The following LOXHD1 variants were observed in gnomAD, a reference collection of about 807,000 sequenced individuals.
LOXHD1 encodes lipoxygenase homology PLAT domains 1.
LOXHD1 carries 205 observed loss-of-function variants against 248.2 expected under a neutral mutation model. That is an observed-to-expected ratio of 0.83 (90% CI 0.74 to 0.93). LOXHD1 has a LOEUF of 0.93. Among genes scored for constraint, LOXHD1 ranks in the 40% least tolerant of loss-of-function variants. The pLI is 0.00. For synonymous variants in LOXHD1, 1,113 were observed against 1,162.8 expected (o/e 0.96, Z 0.87); for missense variants, 2,930 against 2,971.6 (o/e 0.99, Z 0.33).
chr18:46,577,221 G>A (rs1045123572), intron 14 of LOXHD1, among the ~76,000 whole-genome samples: 2 of 152,074 alleles, frequency 1.3e-5, no homozygotes, highest in Non-Finnish European at 2.9e-5. Context: ...GAGCCCAAAT[G>A]CTTAAGCAAA....
In LOXHD1 at chr18:46,506,003, C is replaced by A. The variant is rs1406257799; in HGVS notation, c.5713G>T (p.Val1905Leu). 2 of 1,552,118 alleles carry A rather than the reference C, an allele frequency of 1.3e-6. No individual in the cohort carries two copies. Among genetic ancestry groups the A allele is most frequent in the Admixed American group, 2.0e-5 (1 of 50,992 alleles). Residue 1905 changes from valine to leucine, a missense_variant, in exon 37 of 41, where the codon GTG (valine) becomes TTG (leucine). Val to Leu is a conservative substitution (Grantham distance 32, BLOSUM62 1). Transcript: ENST00000642948. ...TTCTCCCCGAAGATGATGATGAACA[C>A]GTTGGCATCAGTGCCTGCTCCTGGG... ...DILGAGTDAN[V>L]FIIIFGENGD...
chr18:46,583,174 C>T (rs1267431600), intron 12 of LOXHD1, among the ~76,000 whole-genome samples: 1 of 152,038 alleles, frequency 6.6e-6, no homozygotes, highest in Non-Finnish European at 1.5e-5. Flanking sequence ...AAAAAATAGA[C>T]AATCTAAATA....
chr18:46,497,400 C>A (rs974542879), intron 37 of LOXHD1, among the ~76,000 whole-genome samples: 3 of 152,106 alleles, frequency 2.0e-5, no homozygotes, highest in Non-Finnish European at 4.4e-5. Flanking sequence ...ATTGGAGTCA[C>A]GTTTTTGCAT....
chr18:46,574,886 C>T (rs2037825618), intron 14 of LOXHD1, among the ~76,000 whole-genome samples: 3 of 152,210 alleles, frequency 2.0e-5, no homozygotes, highest in Admixed American at 2.0e-4. Context: ...CCCCCAGCAC[C>T]ATGCATGTGA....
At chr18:46,642,095 G>C in intron 2 of LOXHD1, 59 bp from the exon 3 acceptor site, 1 of 1,465,306 alleles carries the variant, frequency 6.8e-7, no homozygotes, top group Non-Finnish European at 9.4e-7. Context: ...CCTGGGAGGA[G>C]AGCCAAGGGC....
At chr18:46,580,757 AG>A (rs1360892956) in intron 12 of LOXHD1, among the ~76,000 whole-genome samples, 1 of 152,206 alleles carries the variant, frequency 6.6e-6, no homozygotes, top group Non-Finnish European at 1.5e-5. Context: ...GAGTGGAGTG[AG>A]GGAATATAAA....
At position 46,560,157 on chromosome 18, in the gene LOXHD1, C is replaced by T. The variant is rs370708358; in HGVS notation, c.2987G>A (p.Arg996His). Residue 996 changes from arginine (R) to histidine (H), a missense_variant, in exon 19 of 41, where the codon CGC becomes CAC. Arg to His is a conservative substitution (Grantham distance 29). Coordinates refer to ENST00000642948, the MANE Select transcript of LOXHD1 (RefSeq NM_001384474.1). ...GTCCTCCTTGCCCCGGGCCAGCCAG[C>T]GGTGGGCTTCGAACTTGTGCTGCTC... Reference protein sequence around the residue: ...VIEQHKFEAHRWLARGKEDNE... With the variant: ...VIEQHKFEAHHWLARGKEDNE... The T allele has an allele frequency of 3.5e-5, 54 of 1,551,384 alleles. No individual in the cohort carries two copies. In the African/African-American group the frequency reaches 5.1e-4, roughly 15 times the overall value.
At position 46,568,742 on chromosome 18, in the gene LOXHD1, C is replaced by T. The variant is rs188786414; in HGVS notation, c.2244+700G>A. Among the ~76,000 whole-genome samples the T allele has an allele frequency of 3.8e-4, 58 of 152,332 alleles. 1 individual carries two copies. The highest frequency in any genetic ancestry group is 2.3e-3 in the East Asian group (12 of 5,180). On this transcript the variant is annotated intron_variant, in intron 16 of 40. Coordinates refer to ENST00000642948, the MANE Select transcript of LOXHD1 (RefSeq NM_001384474.1). ...ATTACCCTCCCCTTATTCCCTCATC[C>T]TCCCTTTAAAGAGGTTTGCAAACCT... is the stretch of plus-strand genomic sequence containing the variant.
chr18:46,579,367 A>G (rs1422837473), intron 13 of LOXHD1, among the ~76,000 whole-genome samples: 2 of 152,190 alleles, frequency 1.3e-5, no homozygotes, highest in African/African-American at 2.4e-5. Flanking sequence ...GTACAGTCCC[A>G]GGAGTCCAAC....
chr18:46,487,774 T>A (rs2033166805), intron 38 of LOXHD1, among the ~76,000 whole-genome samples: 1 of 151,496 alleles, frequency 6.6e-6, no homozygotes, highest in Admixed American at 6.6e-5. Context: ...GGAAACAGAG[T>A]TGAGAGGAGA....
At chr18:46,498,382 G>A (rs1417769444) in intron 37 of LOXHD1, among the ~76,000 whole-genome samples, 2 of 152,198 alleles carry the variant, frequency 1.3e-5, no homozygotes, top group Non-Finnish European at 2.9e-5. Flanking sequence ...CTGTTCCCCA[G>A]AAGGTTCTTC....
At position 46,559,436 on chromosome 18, in the gene LOXHD1, C is replaced by T. The variant is rs1330934648; in HGVS notation, c.3216+12G>A. The stretch of plus-strand genomic sequence containing the variant: ...ACAGCCCCCACCCAGGGGCCAGAGA[C>T]CCTCACCCTACCTGCCCCTGCTCAA... On this transcript the variant is annotated intron_variant, in intron 20 of 40. Coordinates refer to ENST00000642948, the MANE Select transcript of LOXHD1 (RefSeq NM_001384474.1). 1 of 1,551,964 alleles carries T rather than the reference C, an allele frequency of 6.4e-7. No individual in the cohort carries two copies. Among genetic ancestry groups the T allele is most frequent in the Non-Finnish European group, 8.7e-7 (1 of 1,147,084 alleles).
intron 6 of LOXHD1, among the ~76,000 whole-genome samples, chr18:46,607,318 C>T (rs1020075852): frequency 1.3e-5 from 2 of 149,612 alleles, no homozygotes; most frequent in African/African-American, 2.4e-5. Context: ...TATATATATA[C>T]ACATATATGT....
chr18:46,589,215 C>T (rs2038119148), intron 12 of LOXHD1, among the ~76,000 whole-genome samples: 1 of 152,186 alleles, frequency 6.6e-6, no homozygotes, highest in Admixed American at 6.5e-5. Flanking sequence ...GCCCCAGGAG[C>T]AGTGTTTCTT....
intron 4 of LOXHD1, 29 bp from the exon 5 acceptor site, chr18:46,618,319 G>A (rs1466799335): frequency 4.8e-6 from 7 of 1,472,174 alleles, no homozygotes; most frequent in East Asian, 2.5e-5. Flanking sequence ...AAAAACCTTA[G>A]CTCATCAGGA....
intron 28 of LOXHD1, among the ~76,000 whole-genome samples, chr18:46,531,030 A>G (rs1160874921): frequency 6.6e-6 from 1 of 151,920 alleles, no homozygotes; most frequent in Non-Finnish European, 1.5e-5. Flanking sequence ...GCAAACTCAC[A>G]TGTTCAAACC....
At position 46,477,914 on chromosome 18, in the gene LOXHD1, C is replaced by G. The variant is rs766485686; in HGVS notation, c.6380G>C (p.Arg2127Thr). The change falls in exon 41 of 41, where the codon AGG becomes ACG. Residue 2127 changes from arginine to threonine, a missense_variant. Arg to Thr is a moderately conservative substitution (Grantham distance 71). Coordinates refer to ENST00000642948, the MANE Select transcript of LOXHD1 (RefSeq NM_001384474.1). ...GAATACCTTGAAGTACTTCCTCTTC[C>G]TCTTGAGGGGGATGAGGCAGTCACA... ...FNCDCLIPLK[R>T]KRKYFKVFEV... is the part of the protein sequence containing the mutation. 17 of 1,550,906 alleles carry G rather than the reference C, an allele frequency of 1.1e-5. No individual in the cohort carries two copies. Among genetic ancestry groups the G allele is most frequent in the Non-Finnish European group, 1.3e-5 (15 of 1,146,254 alleles).
intron 23 of LOXHD1, 147 bp from the exon 24 acceptor site, chr18:46,543,002 C>T (rs1045167600): frequency 8.6e-6 from 10 of 1,168,114 alleles, no homozygotes; most frequent in African/African-American, 7.8e-5. Context: ...CATTGGCCAC[C>T]TTTGCACAGT....
intron 21 of LOXHD1, 33 bp downstream of exon 21, chr18:46,557,323 A>T: frequency 6.4e-7 from 1 of 1,551,726 alleles, no homozygotes; most frequent in East Asian, 2.4e-5. Context: ...CCTCAGAGCA[A>T]CACCCCTCCC....
Sources: allele counts gnomAD v4.1 joint callset (sites outside exome capture counted in the v4.1 genomes callset), GRCh38; gene constraint gnomAD v4.1.1; transcripts MANE v1.5; gene names NCBI Gene and HGNC (gene_info 2026-07-23, HGNC 2026-07-21).